Variants in SAMD13 observed in about 807,000 individuals in gnomAD.
The protein encoded by SAMD13 is sterile alpha motif domain containing 13.
Under a neutral mutation model 12.4 loss-of-function variants are expected in SAMD13, and 9 were observed. The ratio of observed to expected loss-of-function variants is 0.72; its 90% CI spans 0.44 to 1.26. The LOEUF is 1.26. Among genes scored for constraint, SAMD13 ranks in the 50% most tolerant of loss-of-function variants. SAMD13 has a pLI of 0.00. For missense variants in SAMD13, 84 were observed against 119.6 expected (o/e 0.70, Z 1.39); for synonymous variants, 46 against 45.4 (o/e 1.01, Z -0.05).
intron 3 of SAMD13, among the ~76,000 whole-genome samples, chr1:84,330,193 C>T (rs917304933): frequency 8.5e-5 from 13 of 152,152 alleles, no homozygotes; most frequent in Non-Finnish European, 1.8e-4. Flanking sequence ...CTTTCTAGGA[C>T]TCAGATTTCT....
intron 2 of SAMD13, 124 bp from the exon 3 acceptor site, chr1:84,325,513 T>C: frequency 1.5e-6 from 1 of 648,016 alleles, no homozygotes. Context: ...ACTAAGCCAG[T>C]GAGAGTAATC....
intron 2 of SAMD13, among the ~76,000 whole-genome samples, chr1:84,324,988 C>A (rs1202462999): frequency 6.6e-6 from 1 of 152,114 alleles, no homozygotes; most frequent in Non-Finnish European, 1.5e-5. Flanking sequence ...ATTTCTCCAA[C>A]CTGCATCTCC....
At chr1:84,345,890 G>A (rs1256878684) in intron 3 of SAMD13, among the ~76,000 whole-genome samples, 3 of 152,112 alleles carry the variant, frequency 2.0e-5, no homozygotes, top group Non-Finnish European at 2.9e-5. Context: ...ATTTTTTAGA[G>A]ATAGGGTCTC....
At chr1:84,310,608 G>A (rs370300378) in intron 2 of SAMD13, among the ~76,000 whole-genome samples, 5 of 152,216 alleles carry the variant, frequency 3.3e-5, no homozygotes, top group East Asian at 3.9e-4. Flanking sequence ...AAAGTTTTCC[G>A]ATAACTGAAT....
upstream of SAMD13, among the ~76,000 whole-genome samples, chr1:84,300,586 G>A (rs953145263): frequency 5.3e-5 from 8 of 152,198 alleles, no homozygotes; most frequent in African/African-American, 1.9e-4. Flanking sequence ...TCTGTGCCCT[G>A]TCTTGAGTGG....
At chr1:84,348,469 A>G (rs1679579897) in intron 3 of SAMD13, among the ~76,000 whole-genome samples, 1 of 152,138 alleles carries the variant, frequency 6.6e-6, no homozygotes, top group Admixed American at 6.5e-5. Context: ...GTATGTGGTT[A>G]TAACCATGCA....
chr1:84,305,796 T>C (rs773487139), intron 2 of SAMD13, among the ~76,000 whole-genome samples: 3 of 152,220 alleles, frequency 2.0e-5, no homozygotes, highest in Non-Finnish European at 4.4e-5. Flanking sequence ...TGAAAAATAA[T>C]TGATCACATA....
intron 2 of SAMD13, among the ~76,000 whole-genome samples, chr1:84,317,124 T>G (rs913358932): frequency 6.6e-6 from 1 of 152,106 alleles, no homozygotes; most frequent in African/African-American, 2.4e-5. Flanking sequence ...GGGTTTTCTC[T>G]ATATAAGATC....
In SAMD13 at chr1:84,324,435, C is replaced by T. The variant is rs138108707; in HGVS notation, c.54-1202C>T. Among the ~76,000 whole-genome samples, 13 of 152,338 alleles carry T rather than the reference C, an allele frequency of 8.5e-5. No individual in the cohort carries two copies. In the South Asian group the frequency reaches 1.2e-3, roughly 15 times the overall value. Reference sequence around the variant, plus strand: ...GATCGTACCTGAAAAGAAACTCCCACGGGAAAGCTTCCCCTATCCCTTTAA... The same window carrying T: ...GATCGTACCTGAAAAGAAACTCCCATGGGAAAGCTTCCCCTATCCCTTTAA... On this transcript the variant is annotated intron_variant, in intron 2 of 3. Coordinates refer to ENST00000394834, the MANE Select transcript of SAMD13 (RefSeq NM_001134663.2).
At position 84,307,167 on chromosome 1, in the gene SAMD13, T is replaced by A. The variant is rs1297952118; in HGVS notation, c.53+3880T>A. Among the ~76,000 whole-genome samples the A allele has an allele frequency of 2.6e-5, 4 of 152,196 alleles. No individual in the cohort carries two copies. In the East Asian group the frequency reaches 7.7e-4, roughly 29 times the overall value. On this transcript the variant is annotated intron_variant, in intron 2 of 3. Coordinates refer to ENST00000394834, the MANE Select transcript of SAMD13 (RefSeq NM_001134663.2). ...CTCCCTTTGTCTTTGGGGACTCCAA[T>A]TTTATGTGGATTTGACCACTTGATA...
At position 84,319,631 on chromosome 1, in the gene SAMD13, A is replaced by G. The variant is rs553225342; in HGVS notation, c.54-6006A>G. ...GCCTGGGTGACAGGAAAAGAAAAAA[A>G]AAAAAAAAAAGGAGCATTGTTATTT... On this transcript the variant is annotated intron_variant, in intron 2 of 3. Coordinates refer to ENST00000394834, the MANE Select transcript of SAMD13 (RefSeq NM_001134663.2). Among the ~76,000 whole-genome samples, 3 of 152,054 alleles carry G rather than the reference A, an allele frequency of 2.0e-5. No homozygotes were observed. The South Asian group carries it at 6.2e-4, about 32-fold the overall frequency.
upstream of SAMD13, among the ~76,000 whole-genome samples, chr1:84,299,406 A>T (rs1016934371): frequency 6.6e-6 from 1 of 152,114 alleles, no homozygotes; most frequent in African/African-American, 2.4e-5. Flanking sequence ...AGATTTCAGG[A>T]TCTCTAAAGT....
chr1:84,349,539 G>A, intron 3 of SAMD13, 92 bp from the exon 4 acceptor site: 1 of 1,517,692 alleles, frequency 6.6e-7, no homozygotes, highest in South Asian at 1.3e-5. Flanking sequence ...GGGCACAAGT[G>A]GTGTGACTTT....
Position 84,346,107 on chromosome 1 carries a change from C to CAGT in SAMD13, c.166-3520_166-3518dup, listed in dbSNP as rs1679529364. Among the ~76,000 whole-genome samples the CAGT allele has an allele frequency of 2.0e-5, 3 of 152,146 alleles. No individual in the cohort carries two copies. The South Asian group carries it at 6.2e-4, about 32-fold the overall frequency. On this transcript the variant is annotated intron_variant, in intron 3 of 3. Transcript: ENST00000394834. ...CAATAATACTTGCAGCAGTGAAACA[C>CAGT]AGTAGTTACTTTCCCCCATCACATA...
chr1:84,315,030 TTCTC>T (rs1462514419), intron 2 of SAMD13, among the ~76,000 whole-genome samples: 5 of 150,368 alleles, frequency 3.3e-5, no homozygotes, highest in South Asian at 2.1e-4. Flanking sequence ...TTCTCTTTCT[TTCTC>T]TCTCTTTGTT....
At chr1:84,299,289 C>CG (rs1678388201), upstream of SAMD13, among the ~76,000 whole-genome samples, 1 of 152,136 alleles carries the variant, frequency 6.6e-6, no homozygotes, top group Non-Finnish European at 1.5e-5. Context: ...AACAGCTTCC[C>CG]GCCCTTCCTA....
intron 3 of SAMD13, among the ~76,000 whole-genome samples, chr1:84,340,221 A>G (rs1344938340): frequency 2.0e-5 from 3 of 152,242 alleles, no homozygotes; most frequent in Non-Finnish European, 4.4e-5. Context: ...AATGTGCTGT[A>G]TACATATAAT....
chr1:84,315,394 C>T (rs541417711), intron 2 of SAMD13, among the ~76,000 whole-genome samples: 143 of 152,198 alleles, frequency 9.4e-4, no homozygotes, highest in African/African-American at 3.4e-3. Context: ...AAGGTTCATC[C>T]ATTTTGTTGA....
chr1:84,308,682 G>A (rs1347316305), intron 2 of SAMD13, among the ~76,000 whole-genome samples: 3 of 152,094 alleles, frequency 2.0e-5, no homozygotes, highest in Non-Finnish European at 4.4e-5. Context: ...AGAAGAGAAG[G>A]GCAGAGAAGA....
Sources: allele counts gnomAD v4.1 joint callset (sites outside exome capture counted in the v4.1 genomes callset), GRCh38; gene constraint gnomAD v4.1.1; transcripts MANE v1.5; gene names NCBI Gene and HGNC (gene_info 2026-07-23, HGNC 2026-07-21).